The following MDGA2 variants were observed in gnomAD, a reference collection of about 807,000 sequenced individuals.
The protein encoded by MDGA2 is MAM domain-containing glycosylphosphatidylinositol anchor protein 2.
Under a neutral mutation model 117.8 loss-of-function variants are expected in MDGA2, and 40 were observed. The observed-to-expected ratio is 0.34, with a 90% CI of 0.26 to 0.44. The LOEUF (loss-of-function observed/expected upper bound fraction) is 0.44. Ranked by LOEUF, MDGA2 falls within the 20% of genes least tolerant of loss-of-function variation. The probability of loss-of-function intolerance (pLI) is 1.00; values close to 1 mark genes in which losing one functional copy is unlikely to be tolerated. For missense variants in MDGA2, 1,123 were observed against 1,250.6 expected, an observed-to-expected ratio of 0.90 and a Z score of 1.54; for synonymous variants, 452 against 439.0, an observed-to-expected ratio of 1.03 and a Z score of -0.37.
At chr14:47,211,909 C>T (rs1468723007) in intron 3 of MDGA2, among the ~76,000 whole-genome samples, 1 of 152,096 alleles carries the variant, frequency 6.6e-6, no homozygotes, top group East Asian at 1.9e-4. Context: ...CATTTGTAAA[C>T]CATTTAAATG....
intron 5 of MDGA2, among the ~76,000 whole-genome samples, chr14:47,110,765 T>C (rs1880993659): frequency 1.3e-5 from 2 of 152,328 alleles, no homozygotes; most frequent in African/African-American, 4.8e-5. Flanking sequence ...GTTTTTATCA[T>C]GATTAGGAAA....
intron 8 of MDGA2, among the ~76,000 whole-genome samples, chr14:47,027,312 G>T (rs568132548): frequency 6.6e-6 from 1 of 152,148 alleles, no homozygotes; most frequent in East Asian, 1.9e-4. Context: ...CACAGTTGGG[G>T]TGGACAGAAG....
intron 6 of MDGA2, among the ~76,000 whole-genome samples, chr14:47,086,121 GT>G (rs71112481): frequency 7.2e-6 from 1 of 139,300 alleles, no homozygotes; most frequent in Non-Finnish European, 1.6e-5. Flanking sequence ...TTTGTTTTTT[GT>G]TTTTTTTTTA....
intron 1 of MDGA2, among the ~76,000 whole-genome samples, chr14:47,427,525 A>C (rs1338182140): frequency 3.9e-5 from 6 of 152,154 alleles, no homozygotes; most frequent in Non-Finnish European, 5.9e-5. Flanking sequence ...TTATTCATTC[A>C]AATATAAATA....
At chr14:47,084,432 A>G (rs191829676) in intron 6 of MDGA2, among the ~76,000 whole-genome samples, 26 of 152,222 alleles carry the variant, frequency 1.7e-4, no homozygotes, top group South Asian at 6.2e-4. Context: ...CCTACAGTAA[A>G]AAAGAAGAAA....
intron 1 of MDGA2, among the ~76,000 whole-genome samples, chr14:47,665,757 T>A (rs1237039794): frequency 6.6e-6 from 1 of 151,652 alleles, no homozygotes; most frequent in Non-Finnish European, 1.5e-5. Flanking sequence ...CAGCCTTAGC[T>A]GCCTCCCTGC....
intron 1 of MDGA2, chr14:47,444,060 TTTTG>T (rs1462594419): frequency 7.0e-5 from 11 of 156,558 alleles, no homozygotes; most frequent in African/African-American, 2.2e-4. Flanking sequence ...TTACTTTTAT[TTTTG>T]TTTATTGTCT....
At position 47,447,631 on chromosome 14, in the gene MDGA2, C is replaced by T. The variant is rs752815765; in HGVS notation, c.281-146081G>A. ...CAACTCTACAGAGATTTGGTGCCTC[C>T]GGACAGCAGTCCTAGCAAAATTCTC... On this transcript the variant is annotated intron_variant, in intron 1 of 16. Transcript: ENST00000399232. 2.6e-5 allele frequency among the ~76,000 whole-genome samples: 4 copies of T among 152,100 alleles called. No homozygotes were observed. In the East Asian group the frequency reaches 5.8e-4, roughly 22 times the overall value.
chr14:47,612,185 A>T (rs1896859222), intron 1 of MDGA2, among the ~76,000 whole-genome samples: 1 of 149,708 alleles, frequency 6.7e-6, no homozygotes, highest in South Asian at 2.1e-4. Flanking sequence ...ATTATATTTC[A>T]AATGTGATAG....
intron 8 of MDGA2, among the ~76,000 whole-genome samples, chr14:46,992,220 GATA>G (rs2138436760): frequency 6.6e-6 from 1 of 152,232 alleles, no homozygotes; most frequent in African/African-American, 2.4e-5. Context: ...AGAAACGAGT[GATA>G]ATAATCTGTA....
Position 46,954,049 on chromosome 14 carries a change from T to C in MDGA2, c.2089+3325A>G, listed in dbSNP as rs1186088626. Among the ~76,000 whole-genome samples the C allele has an allele frequency of 7.2e-5, 11 of 152,144 alleles. No homozygotes were observed. The East Asian group carries it at 1.9e-3, about 27-fold the overall frequency. ...GGCATAACATTTCAATGTTGAAGCA[T>C]CCCTTGGGGTTGGTTTAAGCCAATG... On this transcript the variant is annotated intron_variant, in intron 9 of 16. Coordinates refer to ENST00000399232, the MANE Select transcript of MDGA2 (RefSeq NM_001113498.3).
rs1566504353 is a variant in MDGA2, at chr14:47,537,573, T to TAAAAAAAAAAAAAAAAAA, written c.280+136943_280+136944insTTTTTTTTTTTTTTTTTT. 4.9e-4 allele frequency among the ~76,000 whole-genome samples: 28 copies of TAAAAAAAAAAAAAAAAAA among 57,098 alleles called. 7 individuals are homozygous for TAAAAAAAAAAAAAAAAAA. The highest frequency in any genetic ancestry group is 7.6e-4 in the Non-Finnish European group (22 of 29,082). The allele number at this position is 57,098 out of a possible 152,430, so 37.5% of individuals were successfully genotyped here. A position where few individuals can be genotyped will look rare whatever the true frequency, so the allele number is the denominator to read the frequency against. On this transcript the variant is annotated intron_variant, in intron 1 of 16. Coordinates refer to ENST00000399232, the MANE Select transcript of MDGA2 (RefSeq NM_001113498.3). ...ATTATCCACTGTTACCTTCTCTCTG[T>TAAAAAAAAAAAAAAAAAA]TAAAAAAAAAAAAAAAAAAAAAAAA...
intron 2 of MDGA2, among the ~76,000 whole-genome samples, chr14:47,234,372 T>G (rs933050930): frequency 1.3e-5 from 2 of 151,964 alleles, no homozygotes; most frequent in African/African-American, 4.8e-5. Flanking sequence ...TTATCAATTA[T>G]CAATTAAGGT....
intron 1 of MDGA2, among the ~76,000 whole-genome samples, chr14:47,669,367 A>T (rs559487920): frequency 6.6e-6 from 1 of 152,314 alleles, no homozygotes; most frequent in Non-Finnish European, 1.5e-5. Context: ...TTTATCTCTG[A>T]CTGTTAATTG....
At chr14:47,316,645 G>C (rs1300061639) in intron 1 of MDGA2, among the ~76,000 whole-genome samples, 1 of 151,936 alleles carries the variant, frequency 6.6e-6, no homozygotes, top group African/African-American at 2.4e-5. Context: ...ATTCTGGTAG[G>C]CTTCTGTCTA....
rs1477676445 is a variant in MDGA2, at chr14:47,128,206, G to A, written c.925+3508C>T. On this transcript the variant is annotated intron_variant, in intron 5 of 16. Transcript: ENST00000399232. ...CAGTGAGGATGCTTTAATTGCTGCA[G>A]GACAGTTCATTATGTGTCAGATGAT... Among the ~76,000 whole-genome samples the A allele has an allele frequency of 2.0e-5, 3 of 150,894 alleles. No individual in the cohort carries two copies. In the East Asian group the frequency reaches 5.9e-4, roughly 30 times the overall value.
chr14:46,929,993 G>C (rs1884504734), intron 9 of MDGA2, among the ~76,000 whole-genome samples: 1 of 151,544 alleles, frequency 6.6e-6, no homozygotes, highest in Non-Finnish European at 1.5e-5. Context: ...CATGCAATGA[G>C]TTGACAGGTT....
At chr14:47,519,258 T>C (rs1727026434) in intron 1 of MDGA2, among the ~76,000 whole-genome samples, 1 of 152,076 alleles carries the variant, frequency 6.6e-6, no homozygotes, top group Non-Finnish European at 1.5e-5. Flanking sequence ...TTAAAATATT[T>C]TTATTTTGTT....
At chr14:46,965,075 C>T (rs1885972385) in intron 8 of MDGA2, among the ~76,000 whole-genome samples, 1 of 140,952 alleles carries the variant, frequency 7.1e-6, no homozygotes, top group Admixed American at 7.5e-5. Flanking sequence ...AGGCGCCCGC[C>T]ACCACGCCCG....
Sources: allele counts gnomAD v4.1 joint callset (sites outside exome capture counted in the v4.1 genomes callset), GRCh38; gene constraint gnomAD v4.1.1; transcripts MANE v1.5; gene names NCBI Gene and HGNC (gene_info 2026-07-23, HGNC 2026-07-21).